The following SPMIP2 variants were observed in gnomAD, a reference collection of about 807,000 sequenced individuals.
SPMIP2 encodes the protein sperm microtubule inner protein 2.
the SPMIP2 span, among the ~76,000 whole-genome samples, chr4:158,991,637 G>A: frequency 6.6e-6 from 1 of 152,142 alleles, no homozygotes; most frequent in African/African-American, 2.4e-5. Context: ...AAACATCGTG[G>A]CTTCAATTTT....
At chr4:158,987,296 G>T in the SPMIP2 span, among the ~76,000 whole-genome samples, 4 of 152,100 alleles carry the variant, frequency 2.6e-5, 1 homozygote, top group Non-Finnish European at 4.4e-5. Context: ...ATACCCAAAG[G>T]ATTATAAACC....
chr4:158,909,215 T>C, the SPMIP2 span, among the ~76,000 whole-genome samples: 12 of 152,062 alleles, frequency 7.9e-5, no homozygotes, highest in Admixed American at 7.9e-4. Flanking sequence ...CAGGAAAAAA[T>C]ATGCCACTGA....
At chr4:158,924,659 C>T in the SPMIP2 span, among the ~76,000 whole-genome samples, 2 of 152,092 alleles carry the variant, frequency 1.3e-5, no homozygotes, top group African/African-American at 2.4e-5. Flanking sequence ...TGGGATTACA[C>T]GAGTCAGCCA....
the SPMIP2 span, among the ~76,000 whole-genome samples, chr4:159,077,337 G>A: frequency 6.6e-6 from 1 of 151,608 alleles, no homozygotes; most frequent in Non-Finnish European, 1.5e-5. Context: ...AGTAGAGATG[G>A]GGTTTCTCCA....
chr4:158,901,349 C>T, the SPMIP2 span, among the ~76,000 whole-genome samples: 1 of 152,026 alleles, frequency 6.6e-6, no homozygotes, highest in African/African-American at 2.4e-5. Flanking sequence ...AGGGTTTCTG[C>T]AGAGATCTGC....
chr4:158,973,241 CA>C, the SPMIP2 span: 1 of 1,613,816 alleles, frequency 6.2e-7, no homozygotes, highest in Non-Finnish European at 8.5e-7. Flanking sequence ...TTTCTAACGC[CA>C]GATGCTGTTC....
chr4:158,984,497 T>A, the SPMIP2 span, among the ~76,000 whole-genome samples: 102 of 151,418 alleles, frequency 6.7e-4, no homozygotes, highest in African/African-American at 2.4e-3. Context: ...ACCGCTCAAC[T>A]ACATGGAAAC....
chr4:158,969,731 G>A, the SPMIP2 span, among the ~76,000 whole-genome samples: 1 of 152,196 alleles, frequency 6.6e-6, no homozygotes, highest in Non-Finnish European at 1.5e-5. Context: ...CTCTATTGGA[G>A]GTGCCTGAGC....
the SPMIP2 span, among the ~76,000 whole-genome samples, chr4:159,066,617 AT>A: frequency 0.055 from 3,884 of 70,298 alleles, 61 homozygotes; most frequent in African/African-American, 0.079. Flanking sequence ...ATATATATAT[AT>A]ATAGTATTAA....
At chr4:158,979,472 C>CA in the SPMIP2 span, among the ~76,000 whole-genome samples, 1 of 152,150 alleles carries the variant, frequency 6.6e-6, no homozygotes, top group Non-Finnish European at 1.5e-5. Flanking sequence ...CTGAAGCTCC[C>CA]AGCAAGATCA....
chr4:158,971,096 C>T, the SPMIP2 span, among the ~76,000 whole-genome samples: 1 of 152,120 alleles, frequency 6.6e-6, no homozygotes, highest in East Asian at 1.9e-4. Context: ...GCTTTGAAGA[C>T]CAAGGAATGC....
At chr4:158,996,175 T>C in the SPMIP2 span, among the ~76,000 whole-genome samples, 1 of 152,200 alleles carries the variant, frequency 6.6e-6, no homozygotes, top group East Asian at 1.9e-4. Flanking sequence ...ATCAAAAATA[T>C]AAAATTCTGT....
At chr4:158,998,232 C>T in the SPMIP2 span, among the ~76,000 whole-genome samples, 1 of 152,096 alleles carries the variant, frequency 6.6e-6, no homozygotes, top group Non-Finnish European at 1.5e-5. Context: ...TGAAAGCCCA[C>T]TTTTAGCTGT....
the SPMIP2 span, chr4:158,960,395 C>A: frequency 9.3e-7 from 1 of 1,077,812 alleles, no homozygotes; most frequent in Non-Finnish European, 1.4e-6. Flanking sequence ...AAAGAGGTGG[C>A]CGGTCTAAGT....
chr4:159,073,644 C>G, the SPMIP2 span, among the ~76,000 whole-genome samples: 89,821 of 152,028 alleles, frequency 0.59, 26,773 homozygotes, highest in African/African-American at 0.65. Context: ...CTCTCCTAAT[C>G]CAGTCATTTT....
At chr4:158,946,034 A>C in the SPMIP2 span, among the ~76,000 whole-genome samples, 1 of 152,128 alleles carries the variant, frequency 6.6e-6, no homozygotes. Context: ...GTCTCTCCAA[A>C]ATGCTAAGAA....
chr4:159,077,574 G>A, the SPMIP2 span, among the ~76,000 whole-genome samples: 1 of 152,198 alleles, frequency 6.6e-6, no homozygotes, highest in Non-Finnish European at 1.5e-5. Flanking sequence ...TATTTAATAA[G>A]ATGGCATGCT....
chr4:158,970,085 C>G, the SPMIP2 span, among the ~76,000 whole-genome samples: 10 of 152,188 alleles, frequency 6.6e-5, no homozygotes, highest in Non-Finnish European at 1.5e-5. Flanking sequence ...AATGCCACCA[C>G]TCTTGTATAG....
the SPMIP2 span, among the ~76,000 whole-genome samples, chr4:158,986,477 A>G: frequency 4.0e-5 from 6 of 151,574 alleles, no homozygotes; most frequent in Non-Finnish European, 8.8e-5. Context: ...CAGAAATAAC[A>G]CCGCATATCT....
Sources: gnomAD v4.1 joint callset for allele counts (sites outside exome capture counted in the v4.1 genomes callset) on GRCh38, gnomAD v4.1.1 for gene constraint, MANE v1.5 for transcripts, NCBI Gene and HGNC (gene_info 2026-07-23, HGNC 2026-07-21) for gene names.